The following ERP44 variants were observed in gnomAD, a reference collection of about 807,000 sequenced individuals.
ERP44 encodes endoplasmic reticulum protein 44.
A neutral mutation model predicts 53.4 loss-of-function variants in ERP44; 25 were observed. The observed-to-expected ratio is 0.47, with a 90% confidence interval of 0.34 to 0.65. ERP44 has a LOEUF of 0.65. ERP44 is among the 30% of genes least tolerant of loss of function. The probability of loss-of-function intolerance (pLI) is 0.01; values close to 1 mark genes in which losing one functional copy is unlikely to be tolerated. For missense variants in ERP44, 338 were observed against 493.2 expected (o/e 0.69, Z 2.98); for synonymous variants, 145 against 161.2 (o/e 0.90, Z 0.76).
chr9:100,071,647 C>A (rs1413157846), intron 1 of ERP44, among the ~76,000 whole-genome samples: 1 of 152,102 alleles, frequency 6.6e-6, no homozygotes, highest in Non-Finnish European at 1.5e-5. Flanking sequence ...TGGCCAGGCA[C>A]AGTAGCTCAC....
chr9:100,084,047 T>C (rs1237250444), intron 1 of ERP44, among the ~76,000 whole-genome samples: 1 of 151,646 alleles, frequency 6.6e-6, no homozygotes, highest in Non-Finnish European at 1.5e-5. Flanking sequence ...CCAGAGAAAA[T>C]AGCCTAACAG....
At chr9:100,017,566 T>A (rs528658721) in intron 7 of ERP44, among the ~76,000 whole-genome samples, 9 of 152,354 alleles carry the variant, frequency 5.9e-5, no homozygotes, top group African/African-American at 2.2e-4. Flanking sequence ...AGCAAGAAAT[T>A]CATTTATCTG....
intron 4 of ERP44, among the ~76,000 whole-genome samples, chr9:100,032,102 A>G (rs1427974467): frequency 1.3e-5 from 2 of 152,104 alleles, no homozygotes; most frequent in Admixed American, 1.3e-4. Flanking sequence ...CCCATGGGAG[A>G]TGGGCTGGCT....
At chr9:100,036,727 A>T (rs187798851) in intron 4 of ERP44, among the ~76,000 whole-genome samples, 5 of 152,296 alleles carry the variant, frequency 3.3e-5, no homozygotes, top group African/African-American at 9.6e-5. Flanking sequence ...ACTAGAGGAC[A>T]TTATGTTAAG....
Position 100,022,181 on chromosome 9 carries a change from T to C in ERP44, c.332A>G (p.Lys111Arg), listed in dbSNP as rs372324885. ...RYRISKYPTLKLFRNGMMMKR... is the reference protein window; with the variant it reads ...RYRISKYPTLRLFRNGMMMKR... ...CATCATCATCCCATTACGAAACAAT[T>C]TGAGGGTTGGGTATTTGCTTATCCT... The change falls in exon 5 of 12, where the codon AAA becomes AGA. Residue 111 changes from lysine to arginine, a missense_variant. Lys to Arg is a conservative substitution (Grantham distance 26). Coordinates refer to ENST00000262455, the MANE Select transcript of ERP44 (RefSeq NM_015051.3). 2.5e-6 allele frequency: 4 copies of C among 1,613,850 alleles called. No individual in the cohort carries two copies. Among genetic ancestry groups the C allele is most frequent in the Middle Eastern group, 1.7e-4 (1 of 6,058 alleles).
intron 4 of ERP44, among the ~76,000 whole-genome samples, chr9:100,046,558 A>T (rs1343216536): frequency 6.6e-6 from 1 of 152,240 alleles, no homozygotes; most frequent in African/African-American, 2.4e-5. Flanking sequence ...AATAAATCTG[A>T]TAAAGCTATC....
At chr9:100,078,122 T>G (rs933685761) in intron 1 of ERP44, among the ~76,000 whole-genome samples, 60 of 152,364 alleles carry the variant, frequency 3.9e-4, no homozygotes, top group African/African-American at 1.4e-3. Flanking sequence ...TTCCTCCTTT[T>G]GTTAAAAACG....
chr9:99,985,577 C>G (rs1338131092), intron 10 of ERP44, among the ~76,000 whole-genome samples: 1 of 152,186 alleles, frequency 6.6e-6, no homozygotes, highest in Admixed American at 6.5e-5. Flanking sequence ...TAGTGTCAAC[C>G]AGGTGATCCT....
intron 10 of ERP44, among the ~76,000 whole-genome samples, chr9:99,996,182 A>AGG (rs1407800294): frequency 6.6e-6 from 1 of 152,138 alleles, no homozygotes; most frequent in African/African-American, 2.4e-5. Flanking sequence ...TGGGTCACGG[A>AGG]GGCAGATCCC....
chr9:100,093,275 A>C lies in ERP44; in HGVS notation c.57+5509T>G, dbSNP rs932294605. Among the ~76,000 whole-genome samples, 5 of 152,352 alleles carry C rather than the reference A, an allele frequency of 3.3e-5. No individual in the cohort carries two copies. In the East Asian group the frequency reaches 7.7e-4, roughly 24 times the overall value. Reference sequence around the variant, plus strand: ...CTATCAGACATATGACTGAATTCACATATGGCTGTATATTCCAGTGCTTCT... The same window carrying C: ...CTATCAGACATATGACTGAATTCACCTATGGCTGTATATTCCAGTGCTTCT... On this transcript the variant is annotated intron_variant, in intron 1 of 11. Transcript: ENST00000262455.
At position 99,998,924 on chromosome 9, in the gene ERP44, C is replaced by G. The variant is rs984869447; in HGVS notation, c.1016+7582G>C. ...CAGCAGTCTCAGGGTTGGCACTGGT[C>G]TTCTCTTCCTCCACACAGTAGGTTT... On this transcript the variant is annotated intron_variant, in intron 10 of 11. Transcript: ENST00000262455. 1.0e-5 allele frequency: 16 copies of G among 1,596,322 alleles called. No homozygotes were observed. The African/African-American group carries it at 2.0e-4, about 20-fold the overall frequency.
intron 1 of ERP44, among the ~76,000 whole-genome samples, chr9:100,092,996 A>G (rs908615985): frequency 2.0e-5 from 3 of 152,194 alleles, no homozygotes; most frequent in African/African-American, 7.2e-5. Flanking sequence ...TAATTCTAGA[A>G]AAGTAACCTG....
intron 1 of ERP44, among the ~76,000 whole-genome samples, chr9:100,061,320 C>T (rs745407576): frequency 2.6e-5 from 4 of 151,490 alleles, no homozygotes; most frequent in Non-Finnish European, 2.9e-5. Flanking sequence ...GGCAGGTGCC[C>T]GTAGTCCCAG....
At chr9:100,056,382 A>G (rs572685029) in intron 3 of ERP44, among the ~76,000 whole-genome samples, 3 of 152,350 alleles carry the variant, frequency 2.0e-5, no homozygotes, top group Admixed American at 2.0e-4. Context: ...TAATCATACC[A>G]TATATACATT....
intron 4 of ERP44, among the ~76,000 whole-genome samples, chr9:100,025,568 C>A (rs962245703): frequency 6.6e-6 from 1 of 152,066 alleles, no homozygotes; most frequent in Non-Finnish European, 1.5e-5. Context: ...AATCTATATT[C>A]ATTCATGCTT....
At chr9:100,066,450 C>T (rs1826210431) in intron 1 of ERP44, among the ~76,000 whole-genome samples, 1 of 152,216 alleles carries the variant, frequency 6.6e-6, no homozygotes, top group African/African-American at 2.4e-5. Context: ...CATTACTGTT[C>T]TCAGTTGGCA....
chr9:100,079,615 T>G (rs1193230137), intron 1 of ERP44, among the ~76,000 whole-genome samples: 3 of 152,134 alleles, frequency 2.0e-5, no homozygotes, highest in African/African-American at 7.2e-5. Context: ...ATTTTTAATT[T>G]TGTTTATATC....
intron 10 of ERP44, among the ~76,000 whole-genome samples, chr9:99,997,704 C>T (rs551599569): frequency 6.6e-6 from 1 of 152,198 alleles, no homozygotes; most frequent in East Asian, 1.9e-4. Context: ...CATTTTCATC[C>T]GGTCAGTGGC....
At chr9:99,992,901 C>T (rs1287838890) in intron 10 of ERP44, among the ~76,000 whole-genome samples, 3 of 152,190 alleles carry the variant, frequency 2.0e-5, no homozygotes, top group Admixed American at 1.3e-4. Flanking sequence ...CATGAGTGAA[C>T]TCCCATTCAC....
Sources: allele counts gnomAD v4.1 joint callset (sites outside exome capture counted in the v4.1 genomes callset), GRCh38; gene constraint gnomAD v4.1.1; transcripts MANE v1.5; gene names NCBI Gene and HGNC (gene_info 2026-07-23, HGNC 2026-07-21).